The following RBFOX1 variants were observed in gnomAD, a reference collection of about 807,000 sequenced individuals.
The protein encoded by RBFOX1 is RNA binding protein fox-1 homolog 1.
In RBFOX1, 8 loss-of-function variants were observed where a neutral mutation model predicts 57.7. That is an observed-to-expected ratio of 0.14 (90% CI 0.08 to 0.25). The LOEUF is 0.25. RBFOX1 is among the 10% of genes least tolerant of loss of function. The pLI is 1.00. For missense variants in RBFOX1, 611 were observed against 548.5 expected (o/e 1.11, Z -1.14); for synonymous variants, 326 against 222.4 (o/e 1.47, Z -4.15).
chr16:5,860,725 G>T (rs1358600381), intron 3 of RBFOX1, among the ~76,000 whole-genome samples: 2 of 152,108 alleles, frequency 1.3e-5, no homozygotes, highest in East Asian at 3.9e-4. Flanking sequence ...GATCAGAGAG[G>T]ATTCAAGAAG....
At chr16:6,277,495 G>T (rs2075941361) in intron 1 of RBFOX1, among the ~76,000 whole-genome samples, 1 of 140,656 alleles carries the variant, frequency 7.1e-6, no homozygotes, top group Admixed American at 7.1e-5. Flanking sequence ...TTTTTATCAG[G>T]ACACAGAGGC....
At chr16:5,633,879 AATAC>A (rs2048599826) in intron 3 of RBFOX1, among the ~76,000 whole-genome samples, 1 of 152,058 alleles carries the variant, frequency 6.6e-6, no homozygotes, top group South Asian at 2.1e-4. Flanking sequence ...AGACAAAGGA[AATAC>A]ATAGACAGTT....
chr16:7,174,276 C>T (rs888690616), intron 4 of RBFOX1, among the ~76,000 whole-genome samples: 6 of 151,956 alleles, frequency 3.9e-5, no homozygotes, highest in Admixed American at 6.6e-5. Flanking sequence ...GAGTAATATT[C>T]CATGGTATGG....
At chr16:6,543,396 A>T (rs1226031097) in intron 2 of RBFOX1, among the ~76,000 whole-genome samples, 1 of 151,496 alleles carries the variant, frequency 6.6e-6, no homozygotes, top group East Asian at 1.9e-4. Context: ...TTCCACTGAG[A>T]CTCTGCGCAC....
At chr16:7,487,344 T>C (rs182182897) in intron 4 of RBFOX1, among the ~76,000 whole-genome samples, 150 of 152,276 alleles carry the variant, frequency 9.9e-4, no homozygotes, top group East Asian at 1.9e-3. Context: ...ACTCATCACA[T>C]GTATGGGTCA....
chr16:5,242,170 C>A (rs1363761144), intron 1 of RBFOX1, among the ~76,000 whole-genome samples: 1 of 152,074 alleles, frequency 6.6e-6, no homozygotes, highest in African/African-American at 2.4e-5. Context: ...AAGCCAGAAT[C>A]TCCATTAAAA....
At chr16:5,436,795 G>A (rs1400186458) in intron 1 of RBFOX1, among the ~76,000 whole-genome samples, 1 of 151,838 alleles carries the variant, frequency 6.6e-6, no homozygotes, top group Non-Finnish European at 1.5e-5. Flanking sequence ...CTGAGATTGT[G>A]CCATTGCACT....
intron 2 of RBFOX1, among the ~76,000 whole-genome samples, chr16:6,474,078 C>A (rs1169318168): frequency 1.3e-5 from 2 of 152,022 alleles, no homozygotes; most frequent in African/African-American, 4.8e-5. Context: ...AACTGTGGGT[C>A]AGATTTCTCT....
chr16:5,483,621 A>C (rs780184538), intron 2 of RBFOX1, among the ~76,000 whole-genome samples: 1 of 152,120 alleles, frequency 6.6e-6, no homozygotes, highest in Non-Finnish European at 1.5e-5. Context: ...GGATATGCCA[A>C]TTTGTCTTTT....
intron 4 of RBFOX1, among the ~76,000 whole-genome samples, chr16:7,249,070 G>T (rs1186946705): frequency 7.9e-5 from 12 of 152,232 alleles, no homozygotes; most frequent in African/African-American, 2.6e-4. Context: ...AGTGTTCCAG[G>T]AATAGGACTG....
intron 1 of RBFOX1, among the ~76,000 whole-genome samples, chr16:6,276,271 G>C (rs183884615): frequency 6.6e-6 from 1 of 152,296 alleles, no homozygotes; most frequent in Non-Finnish European, 1.5e-5. Context: ...GGAATGTCAC[G>C]GAAGTGGTCG....
chr16:6,054,212 C>G (rs2095586777), intron 1 of RBFOX1, among the ~76,000 whole-genome samples: 1 of 152,014 alleles, frequency 6.6e-6, no homozygotes, highest in African/African-American at 2.4e-5. Context: ...TTTCATCCTG[C>G]TCTGCTTATT....
intron 1 of RBFOX1, chr16:6,092,976 C>T (rs1240954253): frequency 1.3e-5 from 2 of 152,138 alleles, no homozygotes; most frequent in East Asian, 1.9e-4. Context: ...TGTTTATCAC[C>T]TGGGTGACAG....
intron 3 of RBFOX1, among the ~76,000 whole-genome samples, chr16:6,815,270 G>C (rs1397662422): frequency 1.3e-5 from 2 of 152,076 alleles, no homozygotes; most frequent in East Asian, 1.9e-4. Flanking sequence ...GGTGGGTTTT[G>C]GCCGACTTCT....
chr16:7,643,037 G>C (rs1023489209), intron 11 of RBFOX1, among the ~76,000 whole-genome samples: 1 of 152,204 alleles, frequency 6.6e-6, no homozygotes, highest in African/African-American at 2.4e-5. Context: ...TTTGCCACTT[G>C]TCTGTTGGAT....
At chr16:6,481,297 G>A (rs1326058832) in intron 2 of RBFOX1, among the ~76,000 whole-genome samples, 1 of 152,184 alleles carries the variant, frequency 6.6e-6, no homozygotes, top group East Asian at 1.9e-4. Flanking sequence ...TTGGGTGGCT[G>A]CAGACATGGT....
intron 2 of RBFOX1, among the ~76,000 whole-genome samples, chr16:6,530,887 T>A (rs1347344629): frequency 6.6e-6 from 1 of 152,128 alleles, no homozygotes; most frequent in Non-Finnish European, 1.5e-5. Flanking sequence ...TAATTCAAGA[T>A]GAGATTTGCA....
intron 4 of RBFOX1, among the ~76,000 whole-genome samples, chr16:5,957,175 T>C (rs950129590): frequency 6.6e-6 from 1 of 152,202 alleles, no homozygotes; most frequent in Non-Finnish European, 1.5e-5. Context: ...GTGATTGATA[T>C]GCTACGATCA....
chr16:5,672,473 G>C (rs752694002), intron 3 of RBFOX1, among the ~76,000 whole-genome samples: 1 of 152,052 alleles, frequency 6.6e-6, no homozygotes, highest in Non-Finnish European at 1.5e-5. Context: ...CTGGCTTTGG[G>C]TGCACCTCAT....
Sources: gnomAD v4.1 joint callset for allele counts (sites outside exome capture counted in the v4.1 genomes callset) on GRCh38, gnomAD v4.1.1 for gene constraint, MANE v1.5 for transcripts, NCBI Gene and HGNC (gene_info 2026-07-23, HGNC 2026-07-21) for gene names.